The following YWHAQ variants were observed in gnomAD, a reference collection of about 807,000 sequenced individuals.
The protein encoded by YWHAQ is 14-3-3 protein theta.
A neutral mutation model predicts 28.3 loss-of-function variants in YWHAQ; 6 were observed. The observed-to-expected ratio is 0.21, with a 90% CI of 0.12 to 0.42. The LOEUF (loss-of-function observed/expected upper bound fraction) is 0.42. YWHAQ is among the 10% of genes least tolerant of loss of function. The probability of loss-of-function intolerance (pLI) is 1.00; values close to 1 mark genes in which losing one functional copy is unlikely to be tolerated. For missense variants in YWHAQ, 201 were observed against 305.6 expected (o/e 0.66, Z 2.55); for synonymous variants, 143 against 119.1 (o/e 1.20, Z -1.31).
Position 9,599,685 on chromosome 2 carries a change from G to A in YWHAQ, c.295-8170C>T, listed in dbSNP as rs1037651783. ...TGAGACCTACTGCTCAGAAAAAAAA[G>A]ATTCCTTTCAAATTATAATTGCTCA... On this transcript the variant is annotated intron_variant, in intron 2 of 5. Transcript: ENST00000238081. Among the ~76,000 whole-genome samples, 27 of 152,270 alleles carry A rather than the reference G, an allele frequency of 1.8e-4. No individual in the cohort carries two copies. In the Middle Eastern group the frequency reaches 0.01, roughly 58 times the overall value.
chr2:9,591,312 C>G (rs1040386452), intron 3 of YWHAQ, 80 bp downstream of exon 3: 1 of 1,496,570 alleles, frequency 6.7e-7, no homozygotes, highest in African/African-American at 1.4e-5. Flanking sequence ...CTGAAGACTA[C>G]GTATACTGTC....
intron 2 of YWHAQ, among the ~76,000 whole-genome samples, chr2:9,622,178 G>C (rs928729668): frequency 1.4e-5 from 2 of 146,442 alleles, no homozygotes; most frequent in African/African-American, 5.2e-5. Context: ...AGAACTTAAA[G>C]TATTAAAAAA....
chr2:9,585,991 C>G (rs887559133), intron 5 of YWHAQ, among the ~76,000 whole-genome samples: 3 of 151,930 alleles, frequency 2.0e-5, no homozygotes, highest in African/African-American at 7.3e-5. Flanking sequence ...GTCTCTATTC[C>G]CAGCAGCCCA....
intron 2 of YWHAQ, among the ~76,000 whole-genome samples, chr2:9,617,118 G>A (rs1281224560): frequency 6.8e-6 from 1 of 146,960 alleles, no homozygotes; most frequent in African/African-American, 2.5e-5. Context: ...CTGCCACTAC[G>A]CCCGGCTAAT....
intron 2 of YWHAQ, among the ~76,000 whole-genome samples, chr2:9,601,979 T>C (rs985150896): frequency 2.0e-5 from 3 of 152,112 alleles, no homozygotes; most frequent in African/African-American, 7.2e-5. Flanking sequence ...CAAAAAGTTG[T>C]CTATATATCA....
At chr2:9,624,483 G>A (rs961832075) in intron 2 of YWHAQ, among the ~76,000 whole-genome samples, 1 of 152,116 alleles carries the variant, frequency 6.6e-6, no homozygotes, top group Non-Finnish European at 1.5e-5. Context: ...TTTTATTTAT[G>A]GACTAATCCA....
chr2:9,595,748 T>TC (rs1295113923), intron 2 of YWHAQ, among the ~76,000 whole-genome samples: 2 of 151,068 alleles, frequency 1.3e-5, no homozygotes, highest in Non-Finnish European at 1.5e-5. Flanking sequence ...AGTTAGATGT[T>TC]CCCCCACTGA....
At chr2:9,614,001 T>C (rs1217583419) in intron 2 of YWHAQ, among the ~76,000 whole-genome samples, 1 of 152,172 alleles carries the variant, frequency 6.6e-6, no homozygotes, top group African/African-American at 2.4e-5. Context: ...AGAGTGTTTG[T>C]TCCTTCACTT....
intron 2 of YWHAQ, among the ~76,000 whole-genome samples, chr2:9,603,594 T>C (rs1666758016): frequency 1.3e-5 from 2 of 151,392 alleles, no homozygotes; most frequent in Non-Finnish European, 2.9e-5. Context: ...TTTTACACAG[T>C]AGATGCATTC....
chr2:9,602,507 G>A (rs1303853790), intron 2 of YWHAQ, among the ~76,000 whole-genome samples: 6 of 150,218 alleles, frequency 4.0e-5, no homozygotes, highest in Non-Finnish European at 5.9e-5. Flanking sequence ...ATACACCTAC[G>A]CACATTTTTT....
At chr2:9,600,181 T>C (rs1666660528) in intron 2 of YWHAQ, among the ~76,000 whole-genome samples, 2 of 152,156 alleles carry the variant, frequency 1.3e-5, no homozygotes, top group Non-Finnish European at 2.9e-5. Context: ...ATGTTAAAAC[T>C]TGAACAGATG....
intron 2 of YWHAQ, among the ~76,000 whole-genome samples, chr2:9,594,652 C>T (rs180848400): frequency 1.3e-5 from 2 of 152,208 alleles, no homozygotes; most frequent in Non-Finnish European, 2.9e-5. Flanking sequence ...AATGAAATTC[C>T]ACAGGATCTC....
At chr2:9,597,252 TG>T (rs1273379386) in intron 2 of YWHAQ, among the ~76,000 whole-genome samples, 1 of 152,206 alleles carries the variant, frequency 6.6e-6, no homozygotes, top group African/African-American at 2.4e-5. Flanking sequence ...TAATCCAAGT[TG>T]ATCATATAAC....
intron 2 of YWHAQ, among the ~76,000 whole-genome samples, chr2:9,606,438 A>G (rs1481346154): frequency 6.7e-6 from 1 of 148,456 alleles, no homozygotes. Flanking sequence ...AAAATAAAAA[A>G]CCTTTTCCAA....
intron 2 of YWHAQ, among the ~76,000 whole-genome samples, chr2:9,612,196 A>G (rs1666961651): frequency 6.6e-6 from 1 of 152,014 alleles, no homozygotes; most frequent in Admixed American, 6.6e-5. Flanking sequence ...TAACTGTATC[A>G]TTTCACCTCA....
chr2:9,597,654 G>GA (rs1666601087), intron 2 of YWHAQ, among the ~76,000 whole-genome samples: 1 of 132,896 alleles, frequency 7.5e-6, no homozygotes, highest in African/African-American at 3.0e-5. Context: ...AAAAAAAAAA[G>GA]AAAAAGAAAA....
intron 2 of YWHAQ, among the ~76,000 whole-genome samples, chr2:9,596,599 T>TAC (rs1371058898): frequency 6.6e-6 from 1 of 152,198 alleles, no homozygotes; most frequent in Non-Finnish European, 1.5e-5. Context: ...AACTTTAGGA[T>TAC]ACACATATCA....
At position 9,630,706 on chromosome 2, in the gene YWHAQ, G is replaced by A. The variant is rs1573011484; in HGVS notation, c.-82-172C>T. ...GGGAGGCCGCGGCCCGCGGCTGGAG[G>A]AGGCGGGGGCGGCGCGGAGGCCCCG... On this transcript the variant is annotated intron_variant, in intron 1 of 5. Transcript: ENST00000238081. The surrounding 1 kb of genome is among the most constrained non-coding windows in gnomAD (Gnocchi z 5.6). The A allele has an allele frequency of 9.4e-5, 21 of 223,564 alleles. 1 individual carries two copies. In the East Asian group the frequency reaches 1.9e-3, roughly 21 times the overall value. 13.8% of individuals were successfully genotyped at this position (223,564 alleles called of 1,614,324 possible).
intron 2 of YWHAQ, among the ~76,000 whole-genome samples, chr2:9,597,985 A>ATTTTTTT (rs547582835): frequency 0.012 from 779 of 62,438 alleles, 121 homozygotes; most frequent in African/African-American, 0.045. Flanking sequence ...ATGCCGGGCT[A>ATTTTTTT]TTTTTTTTTT....
Sources: gnomAD v4.1 joint callset for allele counts (sites outside exome capture counted in the v4.1 genomes callset) on GRCh38, gnomAD v4.1.1 for gene constraint, Gnocchi (gnomAD v3.1) non-coding constraint, MANE v1.5 for transcripts, NCBI Gene and HGNC (gene_info 2026-07-23, HGNC 2026-07-21) for gene names.